KCNMA1: variants seen among roughly 807,000 people sequenced by gnomAD.
The protein encoded by KCNMA1 is potassium calcium-activated channel subfamily M alpha 1, also known as Calcium-activated potassium channel subunit alpha-1.
Under a neutral mutation model 140.0 loss-of-function variants are expected in KCNMA1, and 29 were observed. The ratio of observed to expected loss-of-function variants is 0.21; its 90% confidence interval spans 0.15 to 0.28. KCNMA1 has a LOEUF of 0.28. Ranked by LOEUF, KCNMA1 falls within the 10% of genes least tolerant of loss-of-function variation. The pLI is 1.00. For missense variants in KCNMA1, 880 were observed against 1,602.2 expected (o/e 0.55, Z 7.70); for synonymous variants, 612 against 611.9 (o/e 1.00, Z 0.00).
At chr10:77,141,792 A>G (rs1200760345) in intron 5 of KCNMA1, among the ~76,000 whole-genome samples, 1 of 152,238 alleles carries the variant, frequency 6.6e-6, no homozygotes, top group African/African-American at 2.4e-5. Context: ...GAGGCTCCTC[A>G]TAATTTAATC....
chr10:77,186,313 A>G (rs1177669568), intron 3 of KCNMA1, among the ~76,000 whole-genome samples: 2 of 151,896 alleles, frequency 1.3e-5, no homozygotes, highest in Admixed American at 6.6e-5. Context: ...CTTTATTTGC[A>G]TTCACAAACT....
At chr10:76,926,888 G>A (rs2057864170) in intron 23 of KCNMA1, among the ~76,000 whole-genome samples, 3 of 152,054 alleles carry the variant, frequency 2.0e-5, no homozygotes, top group Admixed American at 6.6e-5. Context: ...CACAACTCCA[G>A]GTACACATCA....
chr10:77,318,146 C>T (rs748915000), intron 2 of KCNMA1, among the ~76,000 whole-genome samples: 5 of 152,146 alleles, frequency 3.3e-5, no homozygotes, highest in Non-Finnish European at 7.4e-5. Flanking sequence ...GTCACTCCAA[C>T]TTAGAAAGGT....
chr10:76,956,760 C>G (rs2068484908), intron 20 of KCNMA1, among the ~76,000 whole-genome samples: 1 of 152,066 alleles, frequency 6.6e-6, no homozygotes, highest in East Asian at 1.9e-4. Flanking sequence ...CAAGGTGATA[C>G]AAGAATACCA....
chr10:77,453,578 T>C (rs2097702871), intron 1 of KCNMA1, among the ~76,000 whole-genome samples: 1 of 152,088 alleles, frequency 6.6e-6, no homozygotes, highest in South Asian at 2.1e-4. Context: ...ACTTCCTGTC[T>C]GGAGAGAGCG....
At chr10:77,587,904 A>G in intron 1 of KCNMA1, 1 of 977,584 alleles carries the variant, frequency 1.0e-6, no homozygotes, top group Non-Finnish European at 1.2e-6. Context: ...ATCTGCCTTC[A>G]AGATGTTTAT....
intron 1 of KCNMA1, among the ~76,000 whole-genome samples, chr10:77,605,474 C>T (rs1025791780): frequency 3.9e-5 from 6 of 152,204 alleles, no homozygotes; most frequent in South Asian, 2.1e-4. Flanking sequence ...CATGCTTTCT[C>T]GTGGGTTCCT....
chr10:77,601,121 T>C (rs1383617996), intron 1 of KCNMA1, among the ~76,000 whole-genome samples: 2 of 152,178 alleles, frequency 1.3e-5, no homozygotes, highest in African/African-American at 4.8e-5. Flanking sequence ...CGGTCAGCCC[T>C]TGCCACCTTT....
intron 1 of KCNMA1, among the ~76,000 whole-genome samples, chr10:77,479,021 A>C (rs767068386): frequency 6.6e-6 from 1 of 152,188 alleles, no homozygotes; most frequent in Non-Finnish European, 1.5e-5. Flanking sequence ...TATTTGGGGG[A>C]AAATAAAACG....
intron 20 of KCNMA1, among the ~76,000 whole-genome samples, chr10:76,959,987 G>C (rs1329807901): frequency 1.3e-5 from 2 of 152,166 alleles, no homozygotes; most frequent in African/African-American, 4.8e-5. Context: ...AGGTCTACTT[G>C]GCTGAAGGCC....
At chr10:77,079,644 T>TGGGACTGAGGTAGGAGGC (rs1302915308) in intron 12 of KCNMA1, 94 bp from the exon 13 acceptor site, 1 of 871,678 alleles carries the variant, frequency 1.1e-6, no homozygotes, top group Non-Finnish European at 2.0e-6. Context: ...GGGGTACCCA[T>TGGGACTGAGGTAGGAGGC]GGGACTGAGG....
intron 12 of KCNMA1, among the ~76,000 whole-genome samples, chr10:77,082,007 C>CTTTTTTTTTTTTTTTTTTTTTT (rs201288668): frequency 9.2e-5 from 3 of 32,500 alleles, no homozygotes; most frequent in African/African-American, 3.6e-4. Flanking sequence ...TTTTTCTTTT[C>CTTTTTTTTTTTTTTTTTTTTTT]TTTTTTTTTT....
At chr10:77,591,723 G>A (rs1055208074) in intron 1 of KCNMA1, among the ~76,000 whole-genome samples, 3 of 152,180 alleles carry the variant, frequency 2.0e-5, no homozygotes, top group Non-Finnish European at 2.9e-5. Context: ...TGGGAATGTG[G>A]TTGCATTTCA....
At chr10:77,533,410 T>A (rs2058151987) in intron 1 of KCNMA1, among the ~76,000 whole-genome samples, 1 of 152,104 alleles carries the variant, frequency 6.6e-6, no homozygotes, top group African/African-American at 2.4e-5. Context: ...TTAGGACAAA[T>A]CATTTAACTT....
chr10:77,578,597 C>T (rs2074970452), intron 1 of KCNMA1, among the ~76,000 whole-genome samples: 1 of 152,174 alleles, frequency 6.6e-6, no homozygotes, highest in Non-Finnish European at 1.5e-5. Context: ...AGAGAAGTGA[C>T]AACCTCTCAC....
intron 5 of KCNMA1, among the ~76,000 whole-genome samples, chr10:77,134,907 A>T (rs1596738752): frequency 6.9e-6 from 1 of 144,394 alleles, no homozygotes; most frequent in South Asian, 2.3e-4. Context: ...CTGAGGCAGG[A>T]GAATGGCGTG....
chr10:77,524,709 C>T (rs966167983), intron 1 of KCNMA1, among the ~76,000 whole-genome samples: 8 of 152,156 alleles, frequency 5.3e-5, no homozygotes, highest in East Asian at 1.9e-4. Flanking sequence ...GGTGGCAGCT[C>T]GGGACTGAGG....
At chr10:77,013,534 A>G (rs1343894448) in intron 17 of KCNMA1, among the ~76,000 whole-genome samples, 1 of 152,256 alleles carries the variant, frequency 6.6e-6, no homozygotes, top group African/African-American at 2.4e-5. Context: ...AGGAAAGTAG[A>G]AAGCATCCAA....
chr10:77,402,782 C>A lies in KCNMA1; in HGVS notation c.540+1080G>T, dbSNP rs540403161. Reference sequence around the variant, plus strand: ...CCAGTGTCCCTGCCTGGTCTTTGAGCCTCGCAGGCCTCAGGATGTCCCTAC... The same window carrying A: ...CCAGTGTCCCTGCCTGGTCTTTGAGACTCGCAGGCCTCAGGATGTCCCTAC... On this transcript the variant is annotated intron_variant, in intron 2 of 27. Transcript: ENST00000286628. 2.6e-5 allele frequency among the ~76,000 whole-genome samples: 4 copies of A among 152,306 alleles called. No homozygotes were observed. In the East Asian group the frequency reaches 7.7e-4, roughly 29 times the overall value.
Sources: gnomAD v4.1 joint callset for allele counts (sites outside exome capture counted in the v4.1 genomes callset) on GRCh38, gnomAD v4.1.1 for gene constraint, MANE v1.5 for transcripts, NCBI Gene and HGNC (gene_info 2026-07-23, HGNC 2026-07-21) for gene names.